BCAS3: variants seen among roughly 807,000 people sequenced by gnomAD.
The protein encoded by BCAS3 is BCAS4/BCAS3 fusion.
A neutral mutation model predicts 116.1 loss-of-function variants in BCAS3; 53 were observed. The ratio of observed to expected loss-of-function variants is 0.46; its 90% CI spans 0.37 to 0.57. The LOEUF (loss-of-function observed/expected upper bound fraction) is 0.57. BCAS3 is among the 20% of genes least tolerant of loss of function. The pLI is 0.00. For synonymous variants in BCAS3, 391 were observed against 408.2 expected, an observed-to-expected ratio of 0.96 and a Z score of 0.51; for missense variants, 917 against 1,165.4, an observed-to-expected ratio of 0.79 and a Z score of 3.10.
Position 61,281,848 on chromosome 17 carries a change from C to G in BCAS3, c.2426-86479C>G, listed in dbSNP as rs1405450813. Among the ~76,000 whole-genome samples, 2 of 152,044 alleles carry G rather than the reference C, an allele frequency of 1.3e-5. No individual in the cohort carries two copies. The stretch of plus-strand genomic sequence containing the variant: ...TATTAAGTATAGCTTTCTCATTTCT[C>G]TGTTTTTAAAAAAAATTCTTCGTTT... On this transcript the variant is annotated intron_variant, in intron 22 of 23. Transcript: ENST00000407086. The surrounding 1 kb of genome is among the most constrained non-coding windows in gnomAD (Gnocchi z 4.2).
intron 14 of BCAS3, among the ~76,000 whole-genome samples, chr17:60,983,350 A>C (rs1312926991): frequency 1.3e-5 from 2 of 152,106 alleles, no homozygotes; most frequent in Non-Finnish European, 2.9e-5. Flanking sequence ...TTCATTTTTA[A>C]TAATGTCTGA....
In BCAS3 at chr17:61,188,635, CTG is replaced by C. The variant is rs1462161245; in HGVS notation, c.2425+104074_2425+104075del. On this transcript the variant is annotated intron_variant, in intron 22 of 23. Transcript: ENST00000407086. This position sits in a 1 kb window ranked among gnomAD's most constrained non-coding sequence, Gnocchi z 4.0. The stretch of plus-strand genomic sequence containing the variant: ...GCTTGTGCTAAGCATATAGAGTCCA[CTG>C]TGGATGCAAGTACAAGCGAGGAGAG... Among the ~76,000 whole-genome samples, 7 of 152,216 alleles carry C rather than the reference CTG, an allele frequency of 4.6e-5. No individual in the cohort carries two copies. Among genetic ancestry groups the C allele is most frequent in the Non-Finnish European group, 7.3e-5 (5 of 68,046 alleles).
intron 22 of BCAS3, among the ~76,000 whole-genome samples, chr17:61,242,572 G>A (rs1031529530): frequency 1.3e-5 from 2 of 152,138 alleles, no homozygotes; most frequent in Non-Finnish European, 2.9e-5. Context: ...GGACATCACT[G>A]AATGCAAATT....
At chr17:60,762,685 CTT>C (rs1463282176) in intron 6 of BCAS3, among the ~76,000 whole-genome samples, 8 of 152,230 alleles carry the variant, frequency 5.3e-5, no homozygotes, top group African/African-American at 1.9e-4. Context: ...AATGCGGGCT[CTT>C]TTTTGATTCC....
intron 15 of BCAS3, among the ~76,000 whole-genome samples, chr17:61,011,908 G>A (rs2046846801): frequency 6.6e-6 from 1 of 152,140 alleles, no homozygotes; most frequent in South Asian, 2.1e-4. Context: ...CAGCTATTGA[G>A]ATTTCTGGTC....
chr17:60,790,441 C>G (rs915412574), intron 6 of BCAS3, among the ~76,000 whole-genome samples: 2 of 151,982 alleles, frequency 1.3e-5, no homozygotes, highest in Non-Finnish European at 2.9e-5. Context: ...AGAATTGGCT[C>G]TGTATAGAGG....
rs1004199725 is a variant in BCAS3, at chr17:61,313,360, C to T, written c.2426-54967C>T. 6.6e-6 allele frequency among the ~76,000 whole-genome samples: 1 copy of T among 152,162 alleles called. No homozygotes were observed. Among genetic ancestry groups the T allele is most frequent in the South Asian group, 2.1e-4 (1 of 4,832 alleles). On this transcript the variant is annotated intron_variant, in intron 22 of 23. Coordinates refer to ENST00000407086, the MANE Select transcript of BCAS3 (RefSeq NM_017679.5). This position sits in a 1 kb window ranked among gnomAD's most constrained non-coding sequence, Gnocchi z 4.3. ...ACCTTCCTATAGGAAGCTTAATCTG[C>T]GGTTCTACTTAAAATATGAGGAAAC...
chr17:60,823,492 A>C (rs909862243), intron 7 of BCAS3, among the ~76,000 whole-genome samples: 1 of 152,204 alleles, frequency 6.6e-6, no homozygotes, highest in South Asian at 2.1e-4. Context: ...TGAGCCCAGG[A>C]GTTCAAGGCT....
chr17:61,049,736 T>TTTC (rs1568225757), intron 19 of BCAS3, among the ~76,000 whole-genome samples: 6 of 146,568 alleles, frequency 4.1e-5, no homozygotes, highest in African/African-American at 1.5e-4. Context: ...TTTTCTTTTT[T>TTTC]TTTTTTTTTT....
At chr17:61,142,512 A>T (rs1359142451) in intron 22 of BCAS3, among the ~76,000 whole-genome samples, 1 of 151,572 alleles carries the variant, frequency 6.6e-6, no homozygotes. Context: ...CTAGATTTGT[A>T]TAGTGCCCTG....
At position 61,074,905 on chromosome 17, in the gene BCAS3, T is replaced by A; in HGVS notation, c.2030-15T>A. On this transcript the variant is annotated splice_polypyrimidine_tract_variant and intron_variant, in intron 19 of 23. Transcript: ENST00000407086. Reference sequence around the variant, plus strand: ...TGGAATGAAGTGGTTTAAATCTATTTTCTTTCTCCTATAGTGGTTCCCCCT... The same window carrying A: ...TGGAATGAAGTGGTTTAAATCTATTATCTTTCTCCTATAGTGGTTCCCCCT... 1 of 1,579,216 alleles carries A rather than the reference T, an allele frequency of 6.3e-7. No individual in the cohort carries two copies. Among genetic ancestry groups the A allele is most frequent in the Non-Finnish European group, 8.7e-7 (1 of 1,153,310 alleles).
Position 61,339,120 on chromosome 17 carries a change from C to G in BCAS3, c.2426-29207C>G, listed in dbSNP as rs1231377408. On this transcript the variant is annotated intron_variant, in intron 22 of 23. Transcript: ENST00000407086. The surrounding 1 kb of genome is among the most constrained non-coding windows in gnomAD (Gnocchi z 4.4). ...ATTACTCAATCAGTGACATGTGACC[C>G]CCTGGGAAGGTTGTTCTGTGGAGGA... 6.6e-6 allele frequency among the ~76,000 whole-genome samples: 1 copy of G among 152,082 alleles called. No individual in the cohort carries two copies. The highest frequency in any genetic ancestry group is 1.5e-5 in the Non-Finnish European group (1 of 68,026).
At chr17:60,702,984 G>T (rs907068533) in intron 4 of BCAS3, among the ~76,000 whole-genome samples, 1 of 151,964 alleles carries the variant, frequency 6.6e-6, no homozygotes, top group African/African-American at 2.4e-5. Context: ...ATCTCATATT[G>T]AAAATGCAGG....
rs2076339175 is a variant in BCAS3 at position 61,131,503 on chromosome 17, T to C, written c.2425+46939T>C. ...TTATACGCTTAAAATGAAATTATAT[T>C]CCAAACTCATAATTAAGTATGAACA... On this transcript the variant is annotated intron_variant, in intron 22 of 23. Coordinates refer to ENST00000407086, the MANE Select transcript of BCAS3 (RefSeq NM_017679.5). The surrounding 1 kb of genome is among the most constrained non-coding windows in gnomAD (Gnocchi z 4.4). 6.6e-6 allele frequency among the ~76,000 whole-genome samples: 1 copy of C among 152,258 alleles called. No individual in the cohort carries two copies. Among genetic ancestry groups the C allele is most frequent in the Non-Finnish European group, 1.5e-5 (1 of 68,044 alleles).
At chr17:61,311,336 C>A (rs930674753) in intron 22 of BCAS3, among the ~76,000 whole-genome samples, 5 of 152,108 alleles carry the variant, frequency 3.3e-5, no homozygotes, top group Non-Finnish European at 7.3e-5. Flanking sequence ...AAAAACTTTC[C>A]AGCCTCATCA....
At chr17:61,335,672 C>T (rs991218109) in intron 22 of BCAS3, among the ~76,000 whole-genome samples, 18 of 152,054 alleles carry the variant, frequency 1.2e-4, no homozygotes, top group Admixed American at 2.6e-4. Context: ...CGCTAGAGGC[C>T]AGAAGTTCAA....
chr17:60,761,364 G>A (rs1034560031), intron 6 of BCAS3, among the ~76,000 whole-genome samples: 1 of 151,430 alleles, frequency 6.6e-6, no homozygotes, highest in Non-Finnish European at 1.5e-5. Context: ...CCGCCCCCAT[G>A]CCCCCACTCC....
intron 22 of BCAS3, among the ~76,000 whole-genome samples, chr17:61,338,816 AT>A (rs910409651): frequency 1.5e-5 from 2 of 132,682 alleles, no homozygotes; most frequent in African/African-American, 2.7e-5. Context: ...CTGAAAAGTT[AT>A]TTTTTTTCAG....
chr17:60,828,326 G>A (rs1484124880), intron 7 of BCAS3, among the ~76,000 whole-genome samples: 4 of 152,306 alleles, frequency 2.6e-5, no homozygotes, highest in Non-Finnish European at 5.9e-5. Context: ...AAAAGTTGAA[G>A]TAGATAATTA....
Sources: allele counts gnomAD v4.1 joint callset (sites outside exome capture counted in the v4.1 genomes callset), GRCh38; gene constraint gnomAD v4.1.1; non-coding constraint Gnocchi (gnomAD v3.1); transcripts MANE v1.5; gene names NCBI Gene and HGNC (gene_info 2026-07-23, HGNC 2026-07-21).